The following DISC1 variants were observed in gnomAD, a reference collection of about 807,000 sequenced individuals.
DISC1 encodes DISC1 scaffold protein.
In DISC1, 57 loss-of-function variants were observed where a neutral mutation model predicts 84.5. That is an observed-to-expected ratio of 0.67 (90% CI 0.55 to 0.84). The LOEUF (loss-of-function observed/expected upper bound fraction) is 0.84, where lower values mean the gene tolerates loss of function less well. Ranked by LOEUF, DISC1 falls within the 40% of genes least tolerant of loss-of-function variation. The probability of loss-of-function intolerance (pLI) is 0.00; values close to 1 mark genes in which losing one functional copy is unlikely to be tolerated. For missense variants in DISC1, 1,000 were observed against 1,057.8 expected, an observed-to-expected ratio of 0.95 and a Z score of 0.76; for synonymous variants, 411 against 415.2, an observed-to-expected ratio of 0.99 and a Z score of 0.12.
chr1:231,915,853 T>A (rs1045734074), intron 9 of DISC1, among the ~76,000 whole-genome samples: 8 of 152,114 alleles, frequency 5.3e-5, no homozygotes, highest in Non-Finnish European at 1.2e-4. Flanking sequence ...TTGGAGGGTG[T>A]CAGCAGGCTC....
At chr1:231,994,901 A>G (rs1292289291) in intron 10 of DISC1, among the ~76,000 whole-genome samples, 1 of 152,204 alleles carries the variant, frequency 6.6e-6, no homozygotes, top group Non-Finnish European at 1.5e-5. Context: ...GTTCTAAGGG[A>G]GACCTGAATA....
At chr1:231,686,413 C>T (rs1045205472) in intron 1 of DISC1, among the ~76,000 whole-genome samples, 1 of 152,218 alleles carries the variant, frequency 6.6e-6, no homozygotes, top group Non-Finnish European at 1.5e-5. Flanking sequence ...CACTTGCAGG[C>T]TCAACACCAA....
chr1:231,863,706 TC>T, intron 9 of DISC1, among the ~76,000 whole-genome samples: 1 of 152,328 alleles, frequency 6.6e-6, no homozygotes. Flanking sequence ...CTAGGTGAGT[TC>T]ATCCATTTCT....
At chr1:231,896,255 C>T (rs1337175320) in intron 9 of DISC1, among the ~76,000 whole-genome samples, 1 of 152,142 alleles carries the variant, frequency 6.6e-6, no homozygotes, top group Non-Finnish European at 1.5e-5. Flanking sequence ...ACCTGACATA[C>T]CCTACATTTT....
chr1:231,999,472 G>C (rs1666378460), intron 10 of DISC1, among the ~76,000 whole-genome samples: 3 of 152,108 alleles, frequency 2.0e-5, no homozygotes, highest in African/African-American at 7.2e-5. Context: ...GCAGCCAGGG[G>C]AGAGCTCTCC....
At chr1:231,794,722 AAAGAG>A (rs144527995) in intron 6 of DISC1, among the ~76,000 whole-genome samples, 1,847 of 152,220 alleles carry the variant, frequency 0.012, 29 homozygotes, top group African/African-American at 0.042. Flanking sequence ...GCTATGGAGA[AAAGAG>A]AAGCAGGAGA....
In DISC1 at chr1:232,041,028, A is replaced by G. The variant is rs1231909142; in HGVS notation, c.*4197A>G. ...TATGTAATTCAATACTTTTACTTTT[A>G]ATATCCTCACCTTATCTAATCTTTG... On this transcript the variant is annotated 3_prime_UTR_variant, in exon 13 of 13. Transcript: ENST00000439617. 6.6e-6 allele frequency: 1 copy of G among 152,140 alleles called. No homozygotes were observed. The highest frequency in any genetic ancestry group is 1.5e-5 in the Non-Finnish European group (1 of 68,004). 9.4% of individuals were successfully genotyped at this position (152,140 alleles called of 1,614,324 possible).
At chr1:231,706,912 A>G (rs1223907277) in intron 3 of DISC1, among the ~76,000 whole-genome samples, 1 of 151,986 alleles carries the variant, frequency 6.6e-6, no homozygotes, top group African/African-American at 2.4e-5. Context: ...CCTTTCCTTC[A>G]CAGGGAACCT....
intron 1 of DISC1, among the ~76,000 whole-genome samples, chr1:231,655,217 G>A (rs368035924): frequency 6.6e-6 from 1 of 152,076 alleles, no homozygotes; most frequent in African/African-American, 2.4e-5. Flanking sequence ...CGTACATTGT[G>A]CCCAATATGT....
intron 10 of DISC1, among the ~76,000 whole-genome samples, chr1:231,959,863 T>C (rs916979541): frequency 3.3e-5 from 5 of 152,236 alleles, no homozygotes; most frequent in Non-Finnish European, 7.3e-5. Context: ...TGCTCCGCTC[T>C]GAGTCTGGCC....
intron 3 of DISC1, chr1:231,723,700 C>A (rs1200132126): frequency 2.0e-6 from 2 of 985,470 alleles, no homozygotes; most frequent in Non-Finnish European, 2.4e-6. Context: ...CAAATTCAGT[C>A]TTCCATTCAT....
chr1:231,629,003 C>A (rs937528649), intron 1 of DISC1, among the ~76,000 whole-genome samples: 1 of 152,170 alleles, frequency 6.6e-6, no homozygotes, highest in African/African-American at 2.4e-5. Flanking sequence ...TCCCAAAGCG[C>A]TAGGATTACA....
chr1:231,921,160 C>T (rs2089981400), intron 9 of DISC1, among the ~76,000 whole-genome samples: 1 of 151,954 alleles, frequency 6.6e-6, no homozygotes, highest in Non-Finnish European at 1.5e-5. Flanking sequence ...GTGATCTGCC[C>T]GCCTCGGCCT....
At chr1:231,889,408 A>G (rs904230397) in intron 9 of DISC1, among the ~76,000 whole-genome samples, 7 of 152,252 alleles carry the variant, frequency 4.6e-5, no homozygotes, top group African/African-American at 1.7e-4. Flanking sequence ...AAGCCAGAGA[A>G]GTAAGTATTT....
At chr1:231,888,941 G>A (rs2086996241) in intron 9 of DISC1, among the ~76,000 whole-genome samples, 1 of 152,034 alleles carries the variant, frequency 6.6e-6, no homozygotes, top group South Asian at 2.1e-4. Flanking sequence ...CTGCAGTCCT[G>A]TAGCCCCACA....
intron 12 of DISC1, among the ~76,000 whole-genome samples, chr1:232,028,233 C>T (rs988771181): frequency 3.1e-4 from 47 of 152,000 alleles, no homozygotes; most frequent in South Asian, 2.1e-4. Flanking sequence ...AGGAGGAGTC[C>T]GCTGCAGAGA....
At chr1:231,794,079 C>T (rs528614944) in intron 6 of DISC1, among the ~76,000 whole-genome samples, 3 of 152,294 alleles carry the variant, frequency 2.0e-5, no homozygotes, top group East Asian at 1.9e-4. Flanking sequence ...CCACCACGCC[C>T]GGCCCCTAAC....
chr1:232,016,606 T>C (rs1399451255), intron 11 of DISC1, among the ~76,000 whole-genome samples: 1 of 152,254 alleles, frequency 6.6e-6, no homozygotes, highest in East Asian at 1.9e-4. Context: ...TTTCAAAGGT[T>C]GCCCTTCAAG....
chr1:231,728,721 G>A (rs530419382), intron 3 of DISC1, among the ~76,000 whole-genome samples: 2 of 152,234 alleles, frequency 1.3e-5, no homozygotes, highest in East Asian at 1.9e-4. Flanking sequence ...CCCATTTAAC[G>A]AAATTTTACT....
Sources: gnomAD v4.1 joint callset for allele counts (sites outside exome capture counted in the v4.1 genomes callset) on GRCh38, gnomAD v4.1.1 for gene constraint, MANE v1.5 for transcripts, NCBI Gene and HGNC (gene_info 2026-07-23, HGNC 2026-07-21) for gene names.